The following MYO16 variants were observed in gnomAD, a reference collection of about 807,000 sequenced individuals.
MYO16 encodes the protein unconventional myosin-XVI.
Under a neutral mutation model 205.3 loss-of-function variants are expected in MYO16, and 94 were observed. That is an observed-to-expected ratio of 0.46 (90% CI 0.39 to 0.54). The LOEUF is 0.54. Ranked by LOEUF, MYO16 falls within the 20% of genes least tolerant of loss-of-function variation. The probability of loss-of-function intolerance (pLI) is 0.00; values close to 1 mark genes in which losing one functional copy is unlikely to be tolerated. For synonymous variants in MYO16, 988 were observed against 954.0 expected, an observed-to-expected ratio of 1.04 and a Z score of -0.66; for missense variants, 2,315 against 2,387.5, an observed-to-expected ratio of 0.97 and a Z score of 0.63.
At chr13:108,964,943 A>G (rs561416312) in intron 20 of MYO16, 41 bp downstream of exon 20, 5 of 1,593,606 alleles carry the variant, frequency 3.1e-6, no homozygotes, top group Admixed American at 1.8e-5. Context: ...TCATTACTGT[A>G]ATAAATAACT....
intron 3 of MYO16, among the ~76,000 whole-genome samples, chr13:108,720,843 G>T (rs530050422): frequency 6.6e-6 from 1 of 152,270 alleles, no homozygotes; most frequent in South Asian, 2.1e-4. Context: ...CACAGAATTT[G>T]ATTTGAATCT....
chr13:108,943,174 A>C (rs1244753442), intron 16 of MYO16, among the ~76,000 whole-genome samples: 3 of 152,232 alleles, frequency 2.0e-5, no homozygotes, highest in African/African-American at 7.2e-5. Flanking sequence ...CATTGCCCAA[A>C]CATAAACACT....
intron 8 of MYO16, among the ~76,000 whole-genome samples, chr13:108,820,677 T>G: frequency 6.6e-6 from 1 of 152,216 alleles, no homozygotes; most frequent in East Asian, 1.9e-4. Flanking sequence ...CTTTCATGTT[T>G]TAAACTTTCA....
chr13:109,185,108 T>G (rs1879629648), intron 34 of MYO16, among the ~76,000 whole-genome samples: 1 of 152,172 alleles, frequency 6.6e-6, no homozygotes, highest in Non-Finnish European at 1.5e-5. Context: ...CTTGTGATAT[T>G]TCTGCAAGCT....
chr13:108,867,271 C>T (rs1209081849), intron 12 of MYO16, among the ~76,000 whole-genome samples: 1 of 152,072 alleles, frequency 6.6e-6, no homozygotes, highest in Non-Finnish European at 1.5e-5. Context: ...GAGGCTGAGG[C>T]AGGAGGATCA....
chr13:108,824,190 A>C (rs1425012331), intron 9 of MYO16, among the ~76,000 whole-genome samples: 1 of 152,058 alleles, frequency 6.6e-6, no homozygotes, highest in Admixed American at 6.6e-5. Flanking sequence ...TATTATAAAA[A>C]ATTGATAGCA....
At chr13:108,566,315 A>C in the MYO16 span, among the ~76,000 whole-genome samples, 1 of 152,146 alleles carries the variant, frequency 6.6e-6, no homozygotes, top group Non-Finnish European at 1.5e-5. Context: ...ATTGGTATAT[A>C]GTTTCTGATA....
chr13:108,737,552 G>C (rs1884748758), intron 4 of MYO16, among the ~76,000 whole-genome samples: 1 of 152,142 alleles, frequency 6.6e-6, no homozygotes, highest in African/African-American at 2.4e-5. Flanking sequence ...GTATTTTATT[G>C]AGGATTTTTG....
At chr13:108,925,856 G>A (rs760741092) in intron 16 of MYO16, among the ~76,000 whole-genome samples, 5 of 152,192 alleles carry the variant, frequency 3.3e-5, no homozygotes, top group South Asian at 2.1e-4. Context: ...GGTTCAGAGT[G>A]TGCTTTCTAA....
intron 34 of MYO16, among the ~76,000 whole-genome samples, chr13:109,196,848 A>G (rs1880181699): frequency 6.6e-6 from 1 of 152,174 alleles, no homozygotes. Context: ...TTTGAATGTC[A>G]ACTTTAAAAA....
chr13:108,554,805 G>C, the MYO16 span, among the ~76,000 whole-genome samples: 1 of 138,612 alleles, frequency 7.2e-6, no homozygotes, highest in African/African-American at 2.7e-5. Flanking sequence ...AGCTGAGATC[G>C]AGCCACTGCA....
chr13:108,645,074 A>G (rs566847052), intron 1 of MYO16, among the ~76,000 whole-genome samples: 65 of 152,300 alleles, frequency 4.3e-4, no homozygotes, highest in African/African-American at 1.6e-3. Context: ...GGGACAAGAC[A>G]AGAGGCAGTG....
intron 1 of MYO16, among the ~76,000 whole-genome samples, chr13:108,604,086 C>A (rs992696097): frequency 6.6e-6 from 1 of 152,008 alleles, no homozygotes; most frequent in Non-Finnish European, 1.5e-5. Context: ...GGAGGAAAAG[C>A]CCCTTCTAAA....
intron 2 of MYO16, among the ~76,000 whole-genome samples, chr13:108,670,007 G>T (rs1433408594): frequency 1.3e-5 from 2 of 152,142 alleles, no homozygotes; most frequent in Non-Finnish European, 2.9e-5. Context: ...GGGTTGATAG[G>T]TGCAGCAAAC....
At chr13:109,106,030 G>A (rs157008) in intron 28 of MYO16, among the ~76,000 whole-genome samples, 88,544 of 152,086 alleles carry the variant, frequency 0.58, 26,487 homozygotes, top group African/African-American at 0.67. Flanking sequence ...TCAGAGCCAC[G>A]TCCTTATTTG....
chr13:109,116,801 G>A (rs1875712230), intron 28 of MYO16, among the ~76,000 whole-genome samples: 1 of 152,062 alleles, frequency 6.6e-6, no homozygotes, highest in East Asian at 1.9e-4. Context: ...GAGATAATGG[G>A]GATAATGGCT....
intron 27 of MYO16, among the ~76,000 whole-genome samples, chr13:109,088,550 CTT>C (rs79826723): frequency 9.8e-4 from 147 of 149,644 alleles, no homozygotes; most frequent in African/African-American, 3.6e-3. Context: ...ATTCAGCATT[CTT>C]TTTTTTTTAT....
upstream of MYO16, among the ~76,000 whole-genome samples, chr13:108,625,122 T>C (rs1177097499): frequency 6.6e-6 from 1 of 152,296 alleles, no homozygotes; most frequent in East Asian, 1.9e-4. Flanking sequence ...CAAGTCTGTA[T>C]TGTAAATTTC....
At chr13:108,618,509 T>C (rs1235673187) in intron 1 of MYO16, among the ~76,000 whole-genome samples, 9 of 152,180 alleles carry the variant, frequency 5.9e-5, no homozygotes, top group Non-Finnish European at 1.3e-4. Context: ...GTATATGGTA[T>C]GAAGGAGCCA....
Sources: gnomAD v4.1 joint callset for allele counts (sites outside exome capture counted in the v4.1 genomes callset) on GRCh38, gnomAD v4.1.1 for gene constraint, MANE v1.5 for transcripts, NCBI Gene and HGNC (gene_info 2026-07-23, HGNC 2026-07-21) for gene names.